The following ANO6 variants were observed in gnomAD, a reference collection of about 807,000 sequenced individuals.
The protein encoded by ANO6 is anoctamin-6.
ANO6 carries 106 observed loss-of-function variants against 117.5 expected under a neutral mutation model. The ratio of observed to expected loss-of-function variants is 0.90; its 90% CI spans 0.77 to 1.06. ANO6 has a LOEUF of 1.06. Among genes scored for constraint, ANO6 ranks in the 50% least tolerant of loss-of-function variants. The probability of loss-of-function intolerance (pLI) is 0.00; values close to 1 mark genes in which losing one functional copy is unlikely to be tolerated. For missense variants in ANO6, 955 were observed against 1,121.1 expected (o/e 0.85, Z 2.12); for synonymous variants, 367 against 385.1 (o/e 0.95, Z 0.55).
At chr12:45,369,383 A>AT (rs1941765057) in intron 9 of ANO6, among the ~76,000 whole-genome samples, 1 of 151,860 alleles carries the variant, frequency 6.6e-6, no homozygotes, top group African/African-American at 2.4e-5. Context: ...TGGAAGTTTC[A>AT]TTTTCCTTAA....
chr12:45,398,593 T>G (rs911256865), intron 12 of ANO6, among the ~76,000 whole-genome samples: 1 of 152,194 alleles, frequency 6.6e-6, no homozygotes, highest in Non-Finnish European at 1.5e-5. Flanking sequence ...ATCACAACAT[T>G]TATGTATATA....
rs541811848 is a variant in ANO6 at position 45,302,742 on chromosome 12, A to G, written c.150+649A>G. ...ATGCCTTGTGCAAAATATCCTTAGTAAATAGATTTTTACATTAGGCTCATT... is the reference window on the plus strand; with the variant it reads ...ATGCCTTGTGCAAAATATCCTTAGTGAATAGATTTTTACATTAGGCTCATT... On this transcript the variant is annotated intron_variant, in intron 2 of 19. Coordinates refer to ENST00000320560, the MANE Select transcript of ANO6 (RefSeq NM_001025356.3). Among the ~76,000 whole-genome samples, 3 of 152,298 alleles carry G rather than the reference A, an allele frequency of 2.0e-5. No individual in the cohort carries two copies. The South Asian group carries it at 6.2e-4, about 32-fold the overall frequency.
intron 2 of ANO6, among the ~76,000 whole-genome samples, chr12:45,322,927 A>G (rs1260389276): frequency 6.6e-6 from 1 of 152,160 alleles, no homozygotes; most frequent in African/African-American, 2.4e-5. Flanking sequence ...GCAGGACTAT[A>G]TCATTGAACG....
At chr12:45,228,805 C>A (rs1044712584) in intron 1 of ANO6, among the ~76,000 whole-genome samples, 8 of 152,126 alleles carry the variant, frequency 5.3e-5, no homozygotes, top group African/African-American at 1.9e-4. Context: ...TCCACCTTGC[C>A]AGTTGTCAAC....
chr12:45,279,435 G>T (rs550860882), intron 1 of ANO6, among the ~76,000 whole-genome samples: 1 of 152,294 alleles, frequency 6.6e-6, no homozygotes, highest in South Asian at 2.1e-4. Context: ...TGTTCTGGTA[G>T]TACTTGAGGA....
chr12:45,228,127 T>G (rs1462023784), intron 1 of ANO6: 71 of 247,950 alleles, frequency 2.9e-4, no homozygotes, highest in Admixed American at 9.1e-4. Flanking sequence ...TGTGTTGTTT[T>G]TTTTTTTTTT....
At chr12:45,237,624 T>C (rs1947666478) in intron 1 of ANO6, among the ~76,000 whole-genome samples, 1 of 152,258 alleles carries the variant, frequency 6.6e-6, no homozygotes, top group African/African-American at 2.4e-5. Context: ...TTGGTTACTG[T>C]AGGCTTGTAG....
In ANO6 at chr12:45,430,586, A is replaced by T. The variant is rs1174720875; in HGVS notation, c.*1275A>T. The T allele has an allele frequency of 1.0e-6, 1 of 985,184 alleles. No homozygotes were observed. Among genetic ancestry groups the T allele is most frequent in the Non-Finnish European group, 1.2e-6 (1 of 829,896 alleles). 61.0% of individuals were successfully genotyped at this position (985,184 alleles called of 1,614,324 possible). On this transcript the variant is annotated 3_prime_UTR_variant, in exon 20 of 20. Transcript: ENST00000320560. ...AGCTTATTCATAATCAAGTAAAGAG[A>T]CTCAGATTAGATTTGATTTTTTAGC... is the stretch of plus-strand genomic sequence containing the variant.
At chr12:45,433,589 C>T (rs1199905122), downstream of ANO6, among the ~76,000 whole-genome samples, 1 of 152,170 alleles carries the variant, frequency 6.6e-6, no homozygotes, top group African/African-American at 2.4e-5. Context: ...TGGAGAACTT[C>T]AGAACGGAAT....
intron 6 of ANO6, 61 bp downstream of exon 6, chr12:45,348,692 C>G: frequency 1.6e-6 from 2 of 1,248,118 alleles, no homozygotes; most frequent in Non-Finnish European, 2.4e-6. Context: ...TTGACAATAG[C>G]AAAGGGCTAA....
At chr12:45,297,730 C>T (rs373471339) in intron 1 of ANO6, among the ~76,000 whole-genome samples, 1 of 152,076 alleles carries the variant, frequency 6.6e-6, no homozygotes. Flanking sequence ...TTAAAGTATG[C>T]TCTTTTATTT....
intron 1 of ANO6, among the ~76,000 whole-genome samples, chr12:45,244,532 T>C (rs1947796351): frequency 6.6e-6 from 1 of 152,020 alleles, no homozygotes; most frequent in Non-Finnish European, 1.5e-5. Context: ...GAATCTATAG[T>C]TTTCATTAGA....
At chr12:45,218,291 C>T (rs1282492525) in intron 1 of ANO6, among the ~76,000 whole-genome samples, 1 of 151,690 alleles carries the variant, frequency 6.6e-6, no homozygotes, top group Non-Finnish European at 1.5e-5. Flanking sequence ...ACCATTTAAA[C>T]AGGTCTTGGC....
chr12:45,433,475 C>CATG (rs1415521961), downstream of ANO6, among the ~76,000 whole-genome samples: 2 of 152,120 alleles, frequency 1.3e-5, no homozygotes, highest in African/African-American at 4.8e-5. Context: ...GGAGGTTGGT[C>CATG]ATGATGACAG....
chr12:45,257,966 C>T (rs1472373749), intron 1 of ANO6, among the ~76,000 whole-genome samples: 1 of 151,898 alleles, frequency 6.6e-6, no homozygotes, highest in Admixed American at 6.6e-5. Context: ...TATCACAATG[C>T]TTATCAAATT....
At chr12:45,320,550 G>A (rs1449696517) in intron 2 of ANO6, among the ~76,000 whole-genome samples, 2 of 152,050 alleles carry the variant, frequency 1.3e-5, no homozygotes, top group Middle Eastern at 3.2e-3. Flanking sequence ...TACGTGGTCA[G>A]TTTTGGAATA....
At chr12:45,350,433 G>T (rs566564673) in intron 6 of ANO6, among the ~76,000 whole-genome samples, 2 of 152,146 alleles carry the variant, frequency 1.3e-5, no homozygotes. Flanking sequence ...CCCCAGGATT[G>T]TAACACCCAA....
intron 1 of ANO6, among the ~76,000 whole-genome samples, chr12:45,272,469 C>T (rs1440661570): frequency 2.0e-5 from 3 of 152,078 alleles, no homozygotes; most frequent in Non-Finnish European, 2.9e-5. Context: ...AGAGAGGAGC[C>T]AAAATTTAAA....
rs1941783370 is a variant in ANO6 at position 45,370,020 on chromosome 12, A to G, written c.1104+2227A>G. Among the ~76,000 whole-genome samples, 2 of 152,242 alleles carry G rather than the reference A, an allele frequency of 1.3e-5. 1 individual carries two copies. On this transcript the variant is annotated intron_variant, in intron 9 of 19. Coordinates refer to ENST00000320560, the MANE Select transcript of ANO6 (RefSeq NM_001025356.3). ...AAAATTCTAGTTGGTTTCTCTGCTT[A>G]AAATCATCTTGCCTACATATGCAGC... is the stretch of plus-strand genomic sequence containing the variant.
Sources: gnomAD v4.1 joint callset for allele counts (sites outside exome capture counted in the v4.1 genomes callset) on GRCh38, gnomAD v4.1.1 for gene constraint, MANE v1.5 for transcripts, NCBI Gene and HGNC (gene_info 2026-07-23, HGNC 2026-07-21) for gene names.